Variants in ITPR1 observed in about 807,000 individuals in gnomAD.
ITPR1 encodes the protein inositol 1,4,5-trisphosphate-gated calcium channel ITPR1.
In ITPR1, 96 loss-of-function variants were observed where a neutral mutation model predicts 318.4. That is an observed-to-expected ratio of 0.30 (90% CI 0.26 to 0.36). The LOEUF (loss-of-function observed/expected upper bound fraction) is 0.36. Among genes scored for constraint, ITPR1 ranks in the 10% least tolerant of loss-of-function variants. The probability of loss-of-function intolerance (pLI) is 1.00; values close to 1 mark genes in which losing one functional copy is unlikely to be tolerated. For synonymous variants in ITPR1, 1,312 were observed against 1,289.9 expected, an observed-to-expected ratio of 1.02 and a Z score of -0.37; for missense variants, 2,440 against 3,460.2, an observed-to-expected ratio of 0.71 and a Z score of 7.40.
intron 4 of ITPR1, among the ~76,000 whole-genome samples, chr3:4,607,311 A>C (rs949124685): frequency 3.3e-5 from 5 of 152,096 alleles, no homozygotes; most frequent in Admixed American, 2.0e-4. Flanking sequence ...CTGTTGTTAG[A>C]ATTCAGTTAT....
At chr3:4,498,246 T>A (rs2080754370) in intron 2 of ITPR1, among the ~76,000 whole-genome samples, 1 of 151,812 alleles carries the variant, frequency 6.6e-6, no homozygotes, top group Non-Finnish European at 1.5e-5. Flanking sequence ...TGATGAGGGG[T>A]ATTAAGGGAG....
chr3:4,813,148 G>A lies in ITPR1; in HGVS notation c.7475G>A (p.Gly2492Asp), dbSNP rs778445347. Reference sequence around the variant, plus strand: ...ATTTCCTTCTCTCTCCCAGAAACCGGCGAGAGTTTGGCAAGCGAGTTCCTG... The same window carrying A: ...ATTTCCTTCTCTCTCCCAGAAACCGACGAGAGTTTGGCAAGCGAGTTCCTG... ...LPNETAVPET[G>D]ESLASEFLFS... The change falls in exon 57 of 62, where the codon GGC becomes GAC. Residue 2492 changes from glycine to aspartate, a missense_variant. Around this residue, in one of 23 missense-constraint regions of ITPR1, gnomAD observed 88 missense variants for 90.5 expected, o/e 0.97. Transcript: ENST00000649015. The A allele has an allele frequency of 6.2e-7, 1 of 1,613,922 alleles. No individual in the cohort carries two copies.
At chr3:4,748,743 A>G (rs1445322621) in intron 44 of ITPR1, among the ~76,000 whole-genome samples, 1 of 152,174 alleles carries the variant, frequency 6.6e-6, no homozygotes, top group African/African-American at 2.4e-5. Context: ...TTACTTTCAC[A>G]CCAAAAACCC....
chr3:4,813,545 T>C (rs2049078667), intron 57 of ITPR1, among the ~76,000 whole-genome samples: 1 of 152,104 alleles, frequency 6.6e-6, no homozygotes, highest in Non-Finnish European at 1.5e-5. Flanking sequence ...TGCCCAATGC[T>C]GGGAATAAGG....
intron 44 of ITPR1, among the ~76,000 whole-genome samples, chr3:4,743,811 G>A (rs900254861): frequency 6.6e-6 from 1 of 152,166 alleles, no homozygotes; most frequent in African/African-American, 2.4e-5. Flanking sequence ...CCTAGAAGCA[G>A]GAATTTGTTT....
intron 2 of ITPR1, among the ~76,000 whole-genome samples, chr3:4,501,271 T>C (rs1193119182): frequency 6.6e-6 from 1 of 152,184 alleles, no homozygotes; most frequent in African/African-American, 2.4e-5. Flanking sequence ...TTGTCTCACA[T>C]ACACAATGAA....
intron 4 of ITPR1, among the ~76,000 whole-genome samples, chr3:4,548,035 C>G (rs1372873486): frequency 1.3e-5 from 2 of 152,182 alleles, no homozygotes; most frequent in Non-Finnish European, 1.5e-5. Context: ...TAATCAGACC[C>G]TCTCTTATTT....
chr3:4,661,123 C>T (rs779184949), intron 14 of ITPR1, 36 bp downstream of exon 14: 20 of 1,248,182 alleles, frequency 1.6e-5, no homozygotes, highest in Admixed American at 8.6e-5. Flanking sequence ...CTTTTGGTCT[C>T]GTGTTTCCTA....
Position 4,661,057 on chromosome 3 carries a change from C to T in ITPR1, c.1221C>T (p.Asp407=). Residue 407 remains aspartate (D), a synonymous_variant, in exon 14 of 62, where the codon GAC becomes GAT. Transcript: ENST00000649015. ...TWVHSTNIPI[D]KEEEKPVMLK... ...TTCACAGCACAAATATTCCTATTGACAAGGAAGAAGAAAAGCCCGTGATGC... is the reference window on the plus strand; with the variant it reads ...TTCACAGCACAAATATTCCTATTGATAAGGAAGAAGAAAAGCCCGTGATGC... The T allele has an allele frequency of 1.2e-6, 2 of 1,609,202 alleles. No individual in the cohort carries two copies. The highest frequency in any genetic ancestry group is 1.7e-6 in the Non-Finnish European group (2 of 1,175,688).
At chr3:4,616,692 A>G (rs1463702863) in intron 4 of ITPR1, among the ~76,000 whole-genome samples, 2 of 152,202 alleles carry the variant, frequency 1.3e-5, no homozygotes, top group African/African-American at 4.8e-5. Context: ...AGAAGGGACT[A>G]TGTTTAATTG....
chr3:4,532,630 A>AAAAGTATC (rs2083512755), intron 4 of ITPR1, among the ~76,000 whole-genome samples: 1 of 152,140 alleles, frequency 6.6e-6, no homozygotes, highest in African/African-American at 2.4e-5. Context: ...TTTGTCCTCC[A>AAAAGTATC]AAAGTATCGG....
intron 34 of ITPR1, among the ~76,000 whole-genome samples, chr3:4,697,966 A>G (rs899269877): frequency 1.3e-5 from 2 of 152,152 alleles, no homozygotes; most frequent in African/African-American, 2.4e-5. Flanking sequence ...GTCTCCTGCA[A>G]TCTGAACTTG....
chr3:4,711,642 G>C (rs374360625), intron 38 of ITPR1, 115 bp from the exon 39 acceptor site: 53 of 670,992 alleles, frequency 7.9e-5, no homozygotes, highest in East Asian at 4.3e-4. Flanking sequence ...TTTAACCTGA[G>C]AGCTCTTAAT....
intron 7 of ITPR1, among the ~76,000 whole-genome samples, chr3:4,643,602 G>A (rs1443922045): frequency 4.0e-5 from 6 of 151,612 alleles, no homozygotes; most frequent in Middle Eastern, 3.2e-3. Context: ...TTTTTTTGGG[G>A]GGGGGGTAAC....
intron 32 of ITPR1, among the ~76,000 whole-genome samples, 166 bp from the exon 33 acceptor site, chr3:4,693,324 G>A (rs911451364): frequency 1.3e-5 from 2 of 152,114 alleles, no homozygotes; most frequent in African/African-American, 4.8e-5. Flanking sequence ...TGATGCTGAA[G>A]ATTTCTAGTT....
chr3:4,541,377 T>G (rs1209468843), intron 4 of ITPR1, among the ~76,000 whole-genome samples: 1 of 152,202 alleles, frequency 6.6e-6, no homozygotes, highest in African/African-American at 2.4e-5. Context: ...TGTAGATTGA[T>G]GGGTACTTTC....
Position 4,606,911 on chromosome 3 carries a change from T to C in ITPR1, c.164-20852T>C, listed in dbSNP as rs1184323326. 2.0e-5 allele frequency among the ~76,000 whole-genome samples: 3 copies of C among 152,172 alleles called. No homozygotes were observed. The East Asian group carries it at 5.8e-4, about 29-fold the overall frequency. Reference sequence around the variant, plus strand: ...CAGAAGAGTGCTGCATGGTTTACATTTGTGAGACCTGTTGTGAATTTGGAA... The same window carrying C: ...CAGAAGAGTGCTGCATGGTTTACATCTGTGAGACCTGTTGTGAATTTGGAA... On this transcript the variant is annotated intron_variant, in intron 4 of 61. Coordinates refer to ENST00000649015, the MANE Select transcript of ITPR1 (RefSeq NM_001378452.1).
chr3:4,806,764 A>G (rs1378730447), intron 55 of ITPR1, among the ~76,000 whole-genome samples: 1 of 152,104 alleles, frequency 6.6e-6, no homozygotes. Flanking sequence ...CCCTTTCAGT[A>G]GCTCATTTTC....
At chr3:4,630,830 C>T (rs2092994786) in intron 5 of ITPR1, among the ~76,000 whole-genome samples, 1 of 152,012 alleles carries the variant, frequency 6.6e-6, no homozygotes, top group African/African-American at 2.4e-5. Context: ...TCAAGTGATC[C>T]ACTGCCTCGG....
Sources: allele counts gnomAD v4.1 joint callset (sites outside exome capture counted in the v4.1 genomes callset), GRCh38; gene constraint gnomAD v4.1.1; regional missense constraint gnomAD v4.1.1; transcripts MANE v1.5; gene names NCBI Gene and HGNC (gene_info 2026-07-23, HGNC 2026-07-21).